The following MTMR14 variants were observed in gnomAD, a reference collection of about 807,000 sequenced individuals.
The protein encoded by MTMR14 is phosphatidylinositol-3,5-bisphosphate 3-phosphatase MTMR14.
A neutral mutation model predicts 86.3 loss-of-function variants in MTMR14; 48 were observed. The observed-to-expected ratio is 0.56, with a 90% confidence interval of 0.44 to 0.71. The LOEUF is 0.71. MTMR14 is among the 30% of genes least tolerant of loss of function. The probability of loss-of-function intolerance (pLI) is 0.00; values close to 1 mark genes in which losing one functional copy is unlikely to be tolerated. For synonymous variants in MTMR14, 366 were observed against 326.1 expected (o/e 1.12, Z -1.32); for missense variants, 780 against 834.6 (o/e 0.93, Z 0.81).
chr3:9,701,852 C>T lies in MTMR14; in HGVS notation c.1832C>T (p.Ala611Val), dbSNP rs201021505. 2.2e-5 allele frequency: 35 copies of T among 1,613,884 alleles called. No homozygotes were observed. Among genetic ancestry groups the T allele is most frequent in the East Asian group, 1.6e-4 (7 of 44,884 alleles). Residue 611 changes from alanine to valine, a missense_variant, in exon 19 of 19, where the codon GCG (alanine) becomes GTG (valine). By Grantham distance (64) the Ala-to-Val change is moderately conservative. Coordinates refer to ENST00000296003, the MANE Select transcript of MTMR14 (RefSeq NM_001077525.3). The surrounding 1 kb of genome is among the most constrained non-coding windows in gnomAD (Gnocchi z 4.2). ...LQEVRSAFLA[A>V]YSSTVGLRAV... is the part of the protein sequence containing the mutation. ...GAGGTGCGCTCAGCCTTCTTGGCTG[C>T]GTACAGCAGCACAGTGGGGCTTCGG...
At chr3:9,669,596 GT>G in intron 5 of MTMR14, 104 bp downstream of exon 5, 1 of 1,231,766 alleles carries the variant, frequency 8.1e-7, no homozygotes, top group Non-Finnish European at 1.1e-6. Flanking sequence ...ACTGGTTCAG[GT>G]GAGTGGATTG....
At chr3:9,651,651 C>T (rs150224188) in intron 1 of MTMR14, among the ~76,000 whole-genome samples, 12 of 152,168 alleles carry the variant, frequency 7.9e-5, no homozygotes, top group Admixed American at 3.3e-4. Context: ...TAACTCACTA[C>T]CTTTGGACTA....
chr3:9,653,771 T>G lies in MTMR14; in HGVS notation c.308+2T>G. The G allele has an allele frequency of 6.2e-7, 1 of 1,614,124 alleles. No individual in the cohort carries two copies. The highest frequency in any genetic ancestry group is 1.3e-5 in the African/African-American group (1 of 75,028). ...GAGTTCTGAGAAGGAGAAAGACACG[T>G]GAGCATCATGTGACCGTAGTGTACA... On this transcript the variant is annotated splice_donor_variant, in intron 2 of 18. Coordinates refer to ENST00000296003, the MANE Select transcript of MTMR14 (RefSeq NM_001077525.3). LOFTEE classifies it high-confidence loss of function.
At chr3:9,651,617 C>A (rs2047297331) in intron 1 of MTMR14, among the ~76,000 whole-genome samples, 1 of 152,188 alleles carries the variant, frequency 6.6e-6, no homozygotes, top group Non-Finnish European at 1.5e-5. Context: ...GGAGTTAGAT[C>A]TGTAACTGAA....
chr3:9,677,899 A>G lies in MTMR14; in HGVS notation c.823-85A>G, dbSNP rs1469499639. 1 of 1,247,986 alleles carries G rather than the reference A, an allele frequency of 8.0e-7. No individual in the cohort carries two copies. The highest frequency in any genetic ancestry group is 1.5e-5 in the African/African-American group (1 of 67,276). The allele number at this position is 1,247,986 out of a possible 1,614,324, so 77.3% of individuals were successfully genotyped here. ...AAGGCAAGCACTGCCTGTGGTAGTC[A>G]CAGCCTCAGGACTGCAAGCTTCCCC... On this transcript the variant is annotated intron_variant, in intron 8 of 18. Coordinates refer to ENST00000296003, the MANE Select transcript of MTMR14 (RefSeq NM_001077525.3). The surrounding 1 kb of genome is among the most constrained non-coding windows in gnomAD (Gnocchi z 4.2).
At chr3:9,649,865 G>C in intron 1 of MTMR14, 123 bp downstream of exon 1, 6 of 1,544,914 alleles carry the variant, frequency 3.9e-6, no homozygotes, top group Non-Finnish European at 5.2e-6. Flanking sequence ...AGAGGAGAGA[G>C]AGAGAGGAGT....
intron 2 of MTMR14, 56 bp downstream of exon 2, chr3:9,653,825 C>T (rs1017118934): frequency 6.2e-7 from 1 of 1,611,118 alleles, no homozygotes; most frequent in Non-Finnish European, 8.5e-7. Flanking sequence ...CAGCTAATCC[C>T]TGTGGCCAGG....
chr3:9,687,361 C>T (rs553611662), intron 13 of MTMR14, among the ~76,000 whole-genome samples: 2 of 152,084 alleles, frequency 1.3e-5, no homozygotes, highest in Non-Finnish European at 2.9e-5. Context: ...TGAGACCATC[C>T]TGGCTAACAC....
chr3:9,685,434 G>C (rs976598410), intron 13 of MTMR14, among the ~76,000 whole-genome samples, 187 bp downstream of exon 13: 1 of 152,148 alleles, frequency 6.6e-6, no homozygotes, highest in Non-Finnish European at 1.5e-5. Context: ...TGTGTTCTGG[G>C]CCTCGCGGGC....
chr3:9,654,110 G>A (rs1017192291), intron 2 of MTMR14, among the ~76,000 whole-genome samples: 8 of 152,114 alleles, frequency 5.3e-5, no homozygotes, highest in African/African-American at 9.7e-5. Flanking sequence ...GCTTACCAGC[G>A]TTTACCGTAT....
chr3:9,653,864 C>CT, intron 2 of MTMR14, 95 bp downstream of exon 2: 1 of 1,525,516 alleles, frequency 6.6e-7, no homozygotes, highest in Non-Finnish European at 9.1e-7. Context: ...GGCAGAATCA[C>CT]TTTCCCCAGG....
intron 7 of MTMR14, among the ~76,000 whole-genome samples, chr3:9,673,915 C>T (rs532441039): frequency 6.6e-6 from 1 of 152,020 alleles, no homozygotes; most frequent in South Asian, 2.1e-4. Context: ...TGCGCTGATG[C>T]AGATGATGAT....
chr3:9,663,505 T>C (rs1206773893), intron 3 of MTMR14, among the ~76,000 whole-genome samples: 2,163 of 117,900 alleles, frequency 0.018, 134 homozygotes, highest in African/African-American at 0.073. Context: ...CTCTCTCTTT[T>C]TTTTTTTTTT....
intron 13 of MTMR14, among the ~76,000 whole-genome samples, chr3:9,685,586 C>A (rs1474582322): frequency 3.9e-5 from 6 of 152,166 alleles, no homozygotes; most frequent in African/African-American, 1.4e-4. Context: ...CCTTTCTGTG[C>A]CCCTCGTCTC....
intron 2 of MTMR14, among the ~76,000 whole-genome samples, chr3:9,661,567 C>CA (rs1470631931): frequency 1.3e-5 from 2 of 152,018 alleles, no homozygotes; most frequent in Non-Finnish European, 2.9e-5. Flanking sequence ...CAGAGTTATG[C>CA]AAAAAATAGA....
chr3:9,685,925 C>A lies in MTMR14; in HGVS notation c.1164+678C>A, dbSNP rs374497717. ...TACTGCCTGGGTGACCTTGGGTGGT[C>A]TGCTTCACCTTGAGTCTCCTGGTGT... is the stretch of plus-strand genomic sequence containing the variant. On this transcript the variant is annotated intron_variant, in intron 13 of 18. Transcript: ENST00000296003. Among the ~76,000 whole-genome samples the A allele has an allele frequency of 4.5e-4, 69 of 152,276 alleles. 1 individual carries two copies. The East Asian group carries it at 5.2e-3, about 12-fold the overall frequency.
chr3:9,663,213 A>G (rs1002529437), intron 3 of MTMR14, among the ~76,000 whole-genome samples: 1 of 152,038 alleles, frequency 6.6e-6, no homozygotes, highest in Non-Finnish European at 1.5e-5. Flanking sequence ...AATTCAGTCT[A>G]TTCATTCCTT....
intron 7 of MTMR14, chr3:9,675,654 G>T (rs562811826): frequency 1.5e-5 from 7 of 457,362 alleles, no homozygotes; most frequent in African/African-American, 1.0e-4. Flanking sequence ...CCTGACAGTG[G>T]TTCCGAAGCC....
At chr3:9,686,353 G>A (rs750448713) in intron 13 of MTMR14, among the ~76,000 whole-genome samples, 26 of 152,116 alleles carry the variant, frequency 1.7e-4, no homozygotes, top group Non-Finnish European at 2.4e-4. Flanking sequence ...CTCCCTCCCC[G>A]ACAAAGCAGA....
Sources: gnomAD v4.1 joint callset for allele counts (sites outside exome capture counted in the v4.1 genomes callset) on GRCh38, gnomAD v4.1.1 for gene constraint, Gnocchi (gnomAD v3.1) non-coding constraint, MANE v1.5 for transcripts, NCBI Gene and HGNC (gene_info 2026-07-23, HGNC 2026-07-21) for gene names.